The following LTBP2 variants were observed in gnomAD, a reference collection of about 807,000 sequenced individuals.
The protein encoded by LTBP2 is latent transforming growth factor beta binding protein 2.
Under a neutral mutation model 210.6 loss-of-function variants are expected in LTBP2, and 103 were observed. That is an observed-to-expected ratio of 0.49 (90% CI 0.42 to 0.58). LTBP2 has a LOEUF of 0.58. Ranked by LOEUF, LTBP2 falls within the 20% of genes least tolerant of loss-of-function variation. The pLI is 0.00. For synonymous variants in LTBP2, 1,007 were observed against 1,015.0 expected, an observed-to-expected ratio of 0.99 and a Z score of 0.15; for missense variants, 2,313 against 2,494.5, an observed-to-expected ratio of 0.93 and a Z score of 1.55.
chr14:74,521,713 T>A (rs2087204502), intron 17 of LTBP2, among the ~76,000 whole-genome samples, 198 bp downstream of exon 17: 1 of 152,234 alleles, frequency 6.6e-6, no homozygotes, highest in Admixed American at 6.5e-5. Flanking sequence ...GTTTTTGGAT[T>A]TCTACCCCTC....
At chr14:74,534,095 A>G (rs1807795732) in intron 9 of LTBP2, among the ~76,000 whole-genome samples, 1 of 152,176 alleles carries the variant, frequency 6.6e-6, no homozygotes, top group Admixed American at 6.5e-5. Context: ...CAGGGTGCCA[A>G]TAAGAGCTGG....
At position 74,509,344 on chromosome 14, in the gene LTBP2, G is replaced by A. The variant is rs746385416; in HGVS notation, c.3297C>T (p.Phe1099=). Residue 1099 remains phenylalanine (F), a synonymous_variant, in exon 22 of 36, where the codon TTC becomes TTT. Transcript: ENST00000261978. ...AGACTCCGGAGGGGCAGACTCCCGG[G>A]AAGGCACACTCATCTAGGTCTGCAG... ...TACEDLDECA[F]PGVCPSGVCT... is the part of the protein sequence containing the mutation. 1 of 1,613,540 alleles carries A rather than the reference G, an allele frequency of 6.2e-7. No individual in the cohort carries two copies.
In LTBP2 at chr14:74,508,113, G is replaced by A; in HGVS notation, c.3653-18C>T. The A allele has an allele frequency of 6.2e-7, 1 of 1,613,380 alleles. No individual in the cohort carries two copies. The highest frequency in any genetic ancestry group is 2.2e-5 in the East Asian group (1 of 44,872). ...GTCCACATCTAGAGTAGAGATGGCT[G>A]TCAGCAGACCCAGCCACGGGTCCCT... On this transcript the variant is annotated intron_variant, in intron 24 of 35. Coordinates refer to ENST00000261978, the MANE Select transcript of LTBP2 (RefSeq NM_000428.3).
intron 6 of LTBP2, among the ~76,000 whole-genome samples, 184 bp downstream of exon 6, chr14:74,552,003 T>A (rs1008223940): frequency 2.6e-5 from 4 of 152,014 alleles, no homozygotes; most frequent in African/African-American, 9.7e-5. Context: ...TAAATTCCGA[T>A]GGGAGGGGGC....
intron 2 of LTBP2, among the ~76,000 whole-genome samples, chr14:74,594,681 G>A (rs1354691476): frequency 1.3e-5 from 2 of 152,162 alleles, no homozygotes; most frequent in Non-Finnish European, 2.9e-5. Context: ...CTTACTGGGG[G>A]GTCCACCTGT....
intron 3 of LTBP2, among the ~76,000 whole-genome samples, chr14:74,582,527 G>T (rs1477397124): frequency 6.6e-6 from 1 of 151,746 alleles, no homozygotes; most frequent in Non-Finnish European, 1.5e-5. Context: ...ATCATGTATT[G>T]AACACTAATT....
chr14:74,555,192 G>A (rs768625774), intron 4 of LTBP2, among the ~76,000 whole-genome samples: 14 of 152,136 alleles, frequency 9.2e-5, no homozygotes, highest in African/African-American at 1.4e-4. Flanking sequence ...GAGGTGGAAC[G>A]AGTGGGACCA....
intron 3 of LTBP2, among the ~76,000 whole-genome samples, chr14:74,578,864 T>C (rs1157308281): frequency 6.6e-6 from 1 of 152,178 alleles, no homozygotes; most frequent in Non-Finnish European, 1.5e-5. Context: ...TTTTTGTTTG[T>C]TTGTTTTCGA....
At chr14:74,602,471 T>A (rs1753388724) in intron 2 of LTBP2, among the ~76,000 whole-genome samples, 1 of 152,214 alleles carries the variant, frequency 6.6e-6, no homozygotes, top group Admixed American at 6.5e-5. Flanking sequence ...GTAAGATACC[T>A]GGCAGCAGGG....
chr14:74,586,076 C>T lies in LTBP2; in HGVS notation c.608G>A (p.Arg203His), dbSNP rs868625560. The change falls in exon 3 of 36, where the codon CGC (arginine) becomes CAC (histidine). Residue 203 changes from arginine to histidine, a missense_variant. This residue lies in a region of LTBP2 where 1,867 missense variants were observed against 1,976.9 expected (regional missense o/e 0.94). Coordinates refer to ENST00000261978, the MANE Select transcript of LTBP2 (RefSeq NM_000428.3). This position sits in a 1 kb window ranked among gnomAD's most constrained non-coding sequence, Gnocchi z 4.6. ...PPCQNRGSCS[R>H]PQLCVCRSGF... ...AGAGCGGCAGACACAGAGCTGCGGG[C>T]GGCTGCAGGAGCCCCGGTTCTGGCA... 19 of 1,600,214 alleles carry T rather than the reference C, an allele frequency of 1.2e-5. No individual in the cohort carries two copies. Among genetic ancestry groups the T allele is most frequent in the African/African-American group, 4.0e-5 (3 of 74,728 alleles).
At chr14:74,505,640 TGA>T (rs1169059271) in intron 28 of LTBP2, among the ~76,000 whole-genome samples, 2 of 150,924 alleles carry the variant, frequency 1.3e-5, no homozygotes, top group African/African-American at 2.4e-5. Context: ...CAGCCTGGCG[TGA>T]GAGGCTGAAC....
At chr14:74,536,151 C>T (rs760157046) in intron 8 of LTBP2, 151 bp from the exon 9 acceptor site, 23 of 716,432 alleles carry the variant, frequency 3.2e-5, no homozygotes, top group Non-Finnish European at 5.5e-5. Flanking sequence ...AGCTGTGCTT[C>T]CTGGTTCTCA....
At chr14:74,559,268 T>C (rs2087764046) in intron 3 of LTBP2, among the ~76,000 whole-genome samples, 1 of 152,184 alleles carries the variant, frequency 6.6e-6, no homozygotes, top group Non-Finnish European at 1.5e-5. Context: ...GCCAAGTGTC[T>C]AATCTGGTGT....
chr14:74,608,761 A>AGAAAT (rs5809674), intron 1 of LTBP2, among the ~76,000 whole-genome samples: 75,846 of 149,046 alleles, frequency 0.51, 20,129 homozygotes, highest in African/African-American at 0.62. Context: ...AGAAAAGAAA[A>AGAAAT]GAAATGAAAA....
intron 1 of LTBP2, among the ~76,000 whole-genome samples, chr14:74,605,573 T>C (rs961384523): frequency 6.6e-6 from 1 of 152,192 alleles, no homozygotes; most frequent in Non-Finnish European, 1.5e-5. Flanking sequence ...ACAAGACCTC[T>C]CGTGGGGCTA....
chr14:74,524,272 GGA>G (rs2087243200), intron 15 of LTBP2, among the ~76,000 whole-genome samples: 1 of 152,206 alleles, frequency 6.6e-6, no homozygotes, highest in African/African-American at 2.4e-5. Context: ...TGAGCCCAGA[GGA>G]GAGAGGTCCC....
chr14:74,508,601 C>T lies in LTBP2; in HGVS notation c.3652+3G>A, dbSNP rs777429163. 1.9e-6 allele frequency: 3 copies of T among 1,605,022 alleles called. No homozygotes were observed. The highest frequency in any genetic ancestry group is 1.3e-5 in the African/African-American group (1 of 74,902). ...AGTAGAGGTAGCTGTGCTGGCTTCTCACCCTGGCAGCTGGTGCCCCCCTCT... is the reference window on the plus strand; with the variant it reads ...AGTAGAGGTAGCTGTGCTGGCTTCTTACCCTGGCAGCTGGTGCCCCCCTCT... On this transcript the variant is annotated splice_donor_region_variant and intron_variant, in intron 24 of 35. Coordinates refer to ENST00000261978, the MANE Select transcript of LTBP2 (RefSeq NM_000428.3).
intron 15 of LTBP2, among the ~76,000 whole-genome samples, chr14:74,523,830 C>T (rs549291986): frequency 1.2e-3 from 189 of 152,010 alleles, no homozygotes; most frequent in African/African-American, 4.4e-3. Context: ...TGGGAGAAGC[C>T]GAAGACCCAA....
intron 18 of LTBP2, 34 bp downstream of exon 18, chr14:74,516,788 G>A (rs1566619456): frequency 1.7e-5 from 27 of 1,544,122 alleles, no homozygotes; most frequent in Non-Finnish European, 2.4e-5. Flanking sequence ...GGGTGGTGGG[G>A]TGGCAGGGCG....
Sources: gnomAD v4.1 joint callset for allele counts (sites outside exome capture counted in the v4.1 genomes callset) on GRCh38, gnomAD v4.1.1 for gene constraint, gnomAD v4.1.1 regional missense constraint, Gnocchi (gnomAD v3.1) non-coding constraint, MANE v1.5 for transcripts, NCBI Gene and HGNC (gene_info 2026-07-23, HGNC 2026-07-21) for gene names.